Variants in TNFSF11 observed in about 807,000 individuals in gnomAD.
The protein encoded by TNFSF11 is TNF superfamily member 11, also known as tumor necrosis factor ligand superfamily member 11.
In TNFSF11, 12 loss-of-function variants were observed where a neutral mutation model predicts 32.2. The ratio of observed to expected loss-of-function variants is 0.37; its 90% CI spans 0.24 to 0.60. The LOEUF (loss-of-function observed/expected upper bound fraction) is 0.60, where lower values mean the gene tolerates loss of function less well. Ranked by LOEUF, TNFSF11 falls within the 20% of genes least tolerant of loss-of-function variation. The probability of loss-of-function intolerance (pLI) is 0.66; values close to 1 mark genes in which losing one functional copy is unlikely to be tolerated. For missense variants in TNFSF11, 345 were observed against 398.0 expected (o/e 0.87, Z 1.13); for synonymous variants, 172 against 152.1 (o/e 1.13, Z -0.96).
intron 2 of TNFSF11, among the ~76,000 whole-genome samples, chr13:42,585,380 T>C (rs9525643): frequency 0.37 from 56,389 of 152,026 alleles, 11,351 homozygotes; most frequent in East Asian, 0.45. Flanking sequence ...TCACATTATA[T>C]GTGTGCGAAA....
chr13:42,593,962 A>G (rs1356465123), intron 2 of TNFSF11, among the ~76,000 whole-genome samples: 3 of 152,216 alleles, frequency 2.0e-5, no homozygotes, highest in Admixed American at 6.5e-5. Flanking sequence ...TCACATCACA[A>G]TGCACAGGTG....
upstream of TNFSF11, among the ~76,000 whole-genome samples, chr13:42,570,987 T>C (rs1194934951): frequency 2.0e-5 from 3 of 152,110 alleles, no homozygotes; most frequent in African/African-American, 7.3e-5. Context: ...TGATGATTTG[T>C]TGAATCTTTT....
chr13:42,572,604 T>C (rs1653121738), upstream of TNFSF11, among the ~76,000 whole-genome samples: 1 of 152,220 alleles, frequency 6.6e-6, no homozygotes, highest in African/African-American at 2.4e-5. Context: ...CAATTGTTTC[T>C]ATGTTTGAGT....
chr13:42,600,839 CACT>C (rs1300019281), intron 3 of TNFSF11, 41 bp from the exon 4 acceptor site: 1 of 1,613,972 alleles, frequency 6.2e-7, no homozygotes, highest in South Asian at 1.1e-5. Flanking sequence ...CCCACAGGGT[CACT>C]ACTATTTTGG....
At chr13:42,604,983 C>T (rs1025567474) in intron 4 of TNFSF11, among the ~76,000 whole-genome samples, 4 of 152,004 alleles carry the variant, frequency 2.6e-5, no homozygotes, top group Admixed American at 1.3e-4. Context: ...TGGGGTTTCA[C>T]CATGTTGACC....
Position 42,574,407 on chromosome 13 carries a change from C to T in TNFSF11, c.104C>T (p.Pro35Leu), listed in dbSNP as rs775093601. 1.3e-6 allele frequency: 2 copies of T among 1,565,364 alleles called. No individual in the cohort carries two copies. Among genetic ancestry groups the T allele is most frequent in the Non-Finnish European group, 8.6e-7 (1 of 1,157,636 alleles). Reference sequence around the variant, plus strand: ...GAGGGCCCCCTGCACGCCCCGCCGCCGCCTGCGCCGCACCAGCCCCCTGCC... The same window carrying T: ...GAGGGCCCCCTGCACGCCCCGCCGCTGCCTGCGCCGCACCAGCCCCCTGCC... ...PHEGPLHAPP[P>L]PAPHQPPAAS... The change falls in exon 1 of 5, where the codon CCG (proline) becomes CTG (leucine). Residue 35 changes from proline to leucine, a missense_variant. By Grantham distance (98) the Pro-to-Leu change is moderately conservative. This residue lies in a region of TNFSF11 where 197 missense variants were observed against 182.0 expected (regional missense o/e 1.08). Transcript: ENST00000398795.
intron 2 of TNFSF11, 148 bp from the exon 3 acceptor site, chr13:42,600,604 A>G: frequency 2.4e-6 from 2 of 839,220 alleles, no homozygotes; most frequent in Admixed American, 2.3e-5. Context: ...GCCACCTAAT[A>G]CATATAGGAA....
chr13:42,569,271 G>C (rs1872970939), upstream of TNFSF11, among the ~76,000 whole-genome samples: 1 of 152,110 alleles, frequency 6.6e-6, no homozygotes, highest in Non-Finnish European at 1.5e-5. Context: ...GATATTAGCT[G>C]GGCACGGTGG....
At position 42,607,234 on chromosome 13, in the gene TNFSF11, A is replaced by G; in HGVS notation, c.*316A>G. ...CTATGGGAGGGGTTGGTCCCTGGTC[A>G]TGTGCCCCTTCGCAGCTGAAGTGGA... is the stretch of plus-strand genomic sequence containing the variant. On this transcript the variant is annotated 3_prime_UTR_variant, in exon 5 of 5. Transcript: ENST00000398795. 3.6e-6 allele frequency: 1 copy of G among 279,882 alleles called. No individual in the cohort carries two copies. Among genetic ancestry groups the G allele is most frequent in the Non-Finnish European group, 6.7e-6 (1 of 148,380 alleles). 17.3% of individuals were successfully genotyped at this position (279,882 alleles called of 1,614,324 possible).
rs1869505105 is a variant in TNFSF11 at position 42,607,092 on chromosome 13, G to A, written c.*174G>A. 1 of 753,966 alleles carries A rather than the reference G, an allele frequency of 1.3e-6. No homozygotes were observed. Among genetic ancestry groups the A allele is most frequent in the South Asian group, 1.8e-5 (1 of 54,590 alleles). 46.7% of individuals were successfully genotyped at this position (753,966 alleles called of 1,614,324 possible). A position where few individuals can be genotyped will look rare whatever the true frequency, so the allele number is the denominator to read the frequency against. ...GAGAACACGCGTATTTACAGCCAGT[G>A]GGAGATGTTAGACTCATGGTGTGTT... On this transcript the variant is annotated 3_prime_UTR_variant, in exon 5 of 5. Transcript: ENST00000398795.
rs1213878506 is a variant in TNFSF11, at chr13:42,606,557, A to G, written c.593A>G (p.Asn198Ser). 1.2e-6 allele frequency: 2 copies of G among 1,614,064 alleles called. No homozygotes were observed. Among genetic ancestry groups the G allele is most frequent in the African/African-American group, 2.7e-5 (2 of 74,916 alleles). ...YHDRGWAKIS[N>S]MTFSNGKLIV... is the part of the protein sequence containing the mutation. ...GATCGGGGTTGGGCCAAGATCTCCA[A>G]CATGACTTTTAGCAATGGAAAACTA... Residue 198 changes from asparagine (N) to serine (S), a missense_variant, in exon 5 of 5, where the codon AAC becomes AGC. Coordinates refer to ENST00000398795, the MANE Select transcript of TNFSF11 (RefSeq NM_003701.4).
At chr13:42,588,227 C>G (rs1873992374) in intron 2 of TNFSF11, among the ~76,000 whole-genome samples, 1 of 152,178 alleles carries the variant, frequency 6.6e-6, no homozygotes, top group Admixed American at 6.5e-5. Context: ...CCTACAAAAC[C>G]AAGGCCATCT....
intron 4 of TNFSF11, among the ~76,000 whole-genome samples, chr13:42,603,484 T>C (rs2137910215): frequency 6.6e-6 from 1 of 152,304 alleles, no homozygotes; most frequent in Non-Finnish European, 1.5e-5. Context: ...CCTGGTATTA[T>C]CTGCTTCTGA....
chr13:42,604,049 C>T (rs1414687890), intron 4 of TNFSF11, among the ~76,000 whole-genome samples: 1 of 152,190 alleles, frequency 6.6e-6, no homozygotes, highest in Non-Finnish European at 1.5e-5. Flanking sequence ...CTCTCTATTT[C>T]ATATTCTTTC....
upstream of TNFSF11, among the ~76,000 whole-genome samples, chr13:42,570,113 G>A (rs1312155455): frequency 6.6e-6 from 1 of 152,086 alleles, no homozygotes; most frequent in East Asian, 1.9e-4. Context: ...TTTGAAGAAT[G>A]TAAAAGGTTT....
At chr13:42,565,075 C>T (rs1167034834) in intron 1 of TNFSF11, among the ~76,000 whole-genome samples, 1 of 152,170 alleles carries the variant, frequency 6.6e-6, no homozygotes, top group African/African-American at 2.4e-5. Context: ...CAACACTACA[C>T]CTATCTGTGT....
intron 4 of TNFSF11, among the ~76,000 whole-genome samples, chr13:42,602,415 G>A (rs1263381903): frequency 6.6e-6 from 1 of 152,032 alleles, no homozygotes; most frequent in Non-Finnish European, 1.5e-5. Context: ...TTTTCTCGGA[G>A]TTAAAGAAAG....
upstream of TNFSF11, among the ~76,000 whole-genome samples, chr13:42,571,896 T>C (rs774448940): frequency 1.3e-5 from 2 of 152,248 alleles, no homozygotes; most frequent in Non-Finnish European, 2.9e-5. Flanking sequence ...TCAAATTTTA[T>C]TCAGCAAGTA....
At chr13:42,584,107 A>G (rs1873769505) in intron 2 of TNFSF11, among the ~76,000 whole-genome samples, 1 of 152,246 alleles carries the variant, frequency 6.6e-6, no homozygotes, top group Non-Finnish European at 1.5e-5. Flanking sequence ...AGAAACCTCT[A>G]CAGAGGCATT....
Sources: gnomAD v4.1 joint callset for allele counts (sites outside exome capture counted in the v4.1 genomes callset) on GRCh38, gnomAD v4.1.1 for gene constraint, gnomAD v4.1.1 regional missense constraint, MANE v1.5 for transcripts, NCBI Gene and HGNC (gene_info 2026-07-23, HGNC 2026-07-21) for gene names.